GON4L: variants seen among roughly 807,000 people sequenced by gnomAD.
GON4L encodes GON-4-like protein.
A neutral mutation model predicts 211.8 loss-of-function variants in GON4L; 87 were observed. That is an observed-to-expected ratio of 0.41 (90% CI 0.35 to 0.49). The LOEUF is 0.49. Among genes scored for constraint, GON4L ranks in the 20% least tolerant of loss-of-function variants. GON4L has a pLI of 0.15. For missense variants in GON4L, 2,155 were observed against 2,659.5 expected, an observed-to-expected ratio of 0.81 and a Z score of 4.17; for synonymous variants, 875 against 962.6, an observed-to-expected ratio of 0.91 and a Z score of 1.68.
chr1:155,772,376 C>T (rs888263949), intron 18 of GON4L, among the ~76,000 whole-genome samples: 2 of 151,922 alleles, frequency 1.3e-5, no homozygotes, highest in Admixed American at 1.3e-4. Context: ...CCAATACTAC[C>T]CTCTAACAAC....
intron 17 of GON4L, 162 bp from the exon 18 acceptor site, chr1:155,773,372 G>C: frequency 1.4e-6 from 1 of 713,612 alleles, no homozygotes. Flanking sequence ...TCTTTCTTAA[G>C]CTAACATTAT....
intron 2 of GON4L, chr1:155,845,968 G>T: frequency 4.7e-6 from 1 of 213,798 alleles, no homozygotes; most frequent in South Asian, 8.4e-5. Flanking sequence ...TGAAGGGACT[G>T]AACTCCAAGC....
At chr1:155,782,468 G>A (rs1190850112) in intron 14 of GON4L, among the ~76,000 whole-genome samples, 5 of 152,074 alleles carry the variant, frequency 3.3e-5, no homozygotes, top group African/African-American at 4.8e-5. Context: ...ATGTTATACC[G>A]TATAGCCTAG....
At chr1:155,824,666 C>T (rs1266195274) in intron 3 of GON4L, among the ~76,000 whole-genome samples, 2 of 150,294 alleles carry the variant, frequency 1.3e-5, no homozygotes, top group African/African-American at 4.9e-5. Flanking sequence ...ATCACCTGAA[C>T]CTGGGAGGCG....
chr1:155,810,534 C>T (rs1001504848), intron 10 of GON4L, among the ~76,000 whole-genome samples: 8 of 150,948 alleles, frequency 5.3e-5, no homozygotes, highest in South Asian at 4.2e-4. Flanking sequence ...AGTGAAACCC[C>T]GTCTCTACCA....
chr1:155,822,237 C>G, intron 4 of GON4L, 49 bp downstream of exon 4: 1 of 1,440,224 alleles, frequency 6.9e-7, no homozygotes, highest in South Asian at 1.1e-5. Flanking sequence ...TATATGCTTT[C>G]CATGAAAAAG....
At chr1:155,810,833 TA>T (rs1254601896) in intron 10 of GON4L, among the ~76,000 whole-genome samples, 3 of 150,942 alleles carry the variant, frequency 2.0e-5, no homozygotes, top group African/African-American at 7.3e-5. Flanking sequence ...TGGCCAACAA[TA>T]AAACCCTGTC....
chr1:155,749,261 A>G, downstream of GON4L: 1 of 1,583,388 alleles, frequency 6.3e-7, no homozygotes, highest in Non-Finnish European at 8.6e-7. Flanking sequence ...TCAAAAAGAA[A>G]AAGAATTCTT....
At chr1:155,851,022 C>A (rs1341104639) in intron 2 of GON4L, among the ~76,000 whole-genome samples, 1 of 138,414 alleles carries the variant, frequency 7.2e-6, no homozygotes, top group Non-Finnish European at 1.5e-5. Context: ...CCACTGCACT[C>A]CAGCCTGGCA....
intron 27 of GON4L, among the ~76,000 whole-genome samples, chr1:155,755,436 C>A (rs1246240745): frequency 1.3e-5 from 2 of 151,990 alleles, no homozygotes; most frequent in Non-Finnish European, 2.9e-5. Context: ...GTCTTGAACT[C>A]CTGTCCTCAA....
intron 24 of GON4L, among the ~76,000 whole-genome samples, chr1:155,759,150 C>A (rs1369576323): frequency 6.6e-6 from 1 of 152,034 alleles, no homozygotes; most frequent in Non-Finnish European, 1.5e-5. Context: ...GTGTGCACCA[C>A]CACACCCAGT....
intron 17 of GON4L, chr1:155,773,507 C>A: frequency 7.9e-6 from 3 of 377,930 alleles, no homozygotes; most frequent in Non-Finnish European, 1.5e-5. Flanking sequence ...CTAACAATAG[C>A]GTATGCTCAA....
At chr1:155,770,374 A>G (rs901331861) in intron 19 of GON4L, among the ~76,000 whole-genome samples, 1 of 152,184 alleles carries the variant, frequency 6.6e-6, no homozygotes, top group Non-Finnish European at 1.5e-5. Flanking sequence ...CACACAAAAT[A>G]AAATAATGAG....
At chr1:155,808,093 G>A (rs985680593) in intron 10 of GON4L, among the ~76,000 whole-genome samples, 2 of 151,506 alleles carry the variant, frequency 1.3e-5, no homozygotes, top group Admixed American at 6.6e-5. Flanking sequence ...CTGGAGTGCA[G>A]GGGCATGATC....
intron 3 of GON4L, among the ~76,000 whole-genome samples, chr1:155,824,304 C>T (rs991045558): frequency 1.3e-5 from 2 of 150,476 alleles, no homozygotes; most frequent in African/African-American, 2.4e-5. Context: ...CATGGTGGCA[C>T]GTGCCTGTAG....
At chr1:155,770,190 T>A (rs1157866631) in intron 19 of GON4L, among the ~76,000 whole-genome samples, 1 of 151,884 alleles carries the variant, frequency 6.6e-6, no homozygotes, top group Non-Finnish European at 1.5e-5. Context: ...CCAGCCTGGG[T>A]AGCAGAGTAA....
downstream of GON4L, among the ~76,000 whole-genome samples, chr1:155,745,317 G>T (rs1211330913): frequency 6.6e-6 from 1 of 152,252 alleles, no homozygotes; most frequent in Admixed American, 6.5e-5. Flanking sequence ...ATACAGATAT[G>T]ATAGCTAGGT....
chr1:155,847,852 G>A (rs1307092784), intron 2 of GON4L, among the ~76,000 whole-genome samples: 1 of 151,980 alleles, frequency 6.6e-6, no homozygotes, highest in African/African-American at 2.4e-5. Flanking sequence ...CCAGCCTGGG[G>A]AACAGAGTGA....
At chr1:155,766,772 A>G (rs1662540280) in intron 20 of GON4L, 63 bp from the exon 21 acceptor site, 1 of 1,605,744 alleles carries the variant, frequency 6.2e-7, no homozygotes. Flanking sequence ...GAGGCTTGGC[A>G]CAGTGGCTCA....
Sources: gnomAD v4.1 joint callset for allele counts (sites outside exome capture counted in the v4.1 genomes callset) on GRCh38, gnomAD v4.1.1 for gene constraint, MANE v1.5 for transcripts, NCBI Gene and HGNC (gene_info 2026-07-23, HGNC 2026-07-21) for gene names.